The following PCDHGA12 variants were observed in gnomAD, a reference collection of about 807,000 sequenced individuals.
PCDHGA12 encodes protocadherin gamma-A12.
A neutral mutation model predicts 61.1 loss-of-function variants in PCDHGA12; 43 were observed. The ratio of observed to expected loss-of-function variants is 0.70; its 90% CI spans 0.55 to 0.91. PCDHGA12 has a LOEUF of 0.91. Among genes scored for constraint, PCDHGA12 ranks in the 40% least tolerant of loss-of-function variants. PCDHGA12 has a pLI of 0.00. For missense variants in PCDHGA12, 1,236 were observed against 1,227.7 expected (o/e 1.01, Z -0.10); for synonymous variants, 520 against 542.9 (o/e 0.96, Z 0.59).
In PCDHGA12 at chr5:141,485,013, C is replaced by A. The variant is rs551059588; in HGVS notation, c.2425-9794C>A. ...GTGAAAGGCAGACAAATCTACCCCG[C>A]CACCAGCAAAAACGGCGCGTAACCC... On this transcript the variant is annotated intron_variant, in intron 1 of 3. Coordinates refer to ENST00000252085, the MANE Select transcript of PCDHGA12 (RefSeq NM_003735.3). This position sits in a 1 kb window ranked among gnomAD's most constrained non-coding sequence, Gnocchi z 5.7. The A allele has an allele frequency of 6.3e-6, 4 of 634,556 alleles. No homozygotes were observed. Among genetic ancestry groups the A allele is most frequent in the South Asian group, 3.9e-5 (2 of 51,594 alleles). The allele number at this position is 634,556 out of a possible 1,614,324, so 39.3% of individuals were successfully genotyped here. A position where few individuals can be genotyped will look rare whatever the true frequency, so the allele number is the denominator to read the frequency against.
chr5:141,452,848 G>A (rs1425590240), intron 1 of PCDHGA12, among the ~76,000 whole-genome samples: 9 of 152,128 alleles, frequency 5.9e-5, no homozygotes, highest in Non-Finnish European at 1.0e-4. Flanking sequence ...CCCACACTCT[G>A]GGGAGATGAT....
chr5:141,469,855 G>T (rs1272105046), intron 1 of PCDHGA12, among the ~76,000 whole-genome samples: 4 of 152,186 alleles, frequency 2.6e-5, no homozygotes, highest in Non-Finnish European at 4.4e-5. Flanking sequence ...TTCAGACCGG[G>T]TGCAATGGCT....
intron 1 of PCDHGA12, among the ~76,000 whole-genome samples, chr5:141,457,822 C>A (rs1477393535): frequency 6.6e-6 from 1 of 152,178 alleles, no homozygotes; most frequent in Non-Finnish European, 1.5e-5. Context: ...AAGATAAACT[C>A]AGAGCTTCCA....
chr5:141,511,084 C>G lies in PCDHGA12; in HGVS notation c.2710C>G (p.Leu904Val). 1 of 1,614,236 alleles carries G rather than the reference C, an allele frequency of 6.2e-7. No homozygotes were observed. Among genetic ancestry groups the G allele is most frequent in the Non-Finnish European group, 8.5e-7 (1 of 1,180,030 alleles). The change falls in exon 4 of 4, where the codon CTG becomes GTG. Residue 904 changes from leucine (L) to valine (V), a missense_variant. Leu to Val is a conservative substitution (Grantham distance 32). Coordinates refer to ENST00000252085, the MANE Select transcript of PCDHGA12 (RefSeq NM_003735.3). Reference sequence around the variant, plus strand: ...CTACATCCCAGGCAGCAATGCCACACTGACCAACGCAGCTGGCAAGCGGGA... The same window carrying G: ...CTACATCCCAGGCAGCAATGCCACAGTGACCAACGCAGCTGGCAAGCGGGA... ...NVYIPGSNAT[L>V]TNAAGKRDGK...
chr5:141,457,997 G>A (rs2098934533), intron 1 of PCDHGA12, among the ~76,000 whole-genome samples: 1 of 152,152 alleles, frequency 6.6e-6, no homozygotes, highest in Non-Finnish European at 1.5e-5. Context: ...TAAAGCCTTG[G>A]CAAAATAACC....
At chr5:141,506,084 C>T (rs1426222889) in intron 3 of PCDHGA12, among the ~76,000 whole-genome samples, 8 of 152,068 alleles carry the variant, frequency 5.3e-5, no homozygotes, top group African/African-American at 1.9e-4. Flanking sequence ...AATAGAGATT[C>T]GGCTAGTGGT....
chr5:141,448,179 G>C (rs763996329), intron 1 of PCDHGA12, among the ~76,000 whole-genome samples: 1 of 151,982 alleles, frequency 6.6e-6, no homozygotes, highest in Non-Finnish European at 1.5e-5. Context: ...ATTCATCCCT[G>C]GTTATGTACA....
chr5:141,494,985 C>A, intron 2 of PCDHGA12, 120 bp downstream of exon 2: 1 of 1,559,680 alleles, frequency 6.4e-7, no homozygotes. Context: ...AGTTTGAGAT[C>A]CCAGGGAGGT....
rs2099748032 is a variant in PCDHGA12 at position 141,493,397 on chromosome 5, G to A, written c.2425-1410G>A. ...TTAAAAGCTTGAGGACAGGAGAGGG[G>A]AGTTGCCTCTGCTGGGATTTTGCTT... On this transcript the variant is annotated intron_variant, in intron 1 of 3. Coordinates refer to ENST00000252085, the MANE Select transcript of PCDHGA12 (RefSeq NM_003735.3). This position sits in a 1 kb window ranked among gnomAD's most constrained non-coding sequence, Gnocchi z 4.3. Among the ~76,000 whole-genome samples the A allele has an allele frequency of 6.6e-6, 1 of 152,176 alleles. No individual in the cohort carries two copies. Among genetic ancestry groups the A allele is most frequent in the Non-Finnish European group, 1.5e-5 (1 of 68,040 alleles).
At chr5:141,462,302 A>C (rs2099036796) in intron 1 of PCDHGA12, among the ~76,000 whole-genome samples, 1 of 152,222 alleles carries the variant, frequency 6.6e-6, no homozygotes, top group African/African-American at 2.4e-5. Context: ...GTATTACCCA[A>C]ATATATTTGT....
chr5:141,493,340 T>C lies in PCDHGA12; in HGVS notation c.2425-1467T>C, dbSNP rs889623993. Among the ~76,000 whole-genome samples, 1 of 152,202 alleles carries C rather than the reference T, an allele frequency of 6.6e-6. No homozygotes were observed. Among genetic ancestry groups the C allele is most frequent in the Admixed American group, 6.5e-5 (1 of 15,288 alleles). Reference sequence around the variant, plus strand: ...TTCTAACCCCTGTCTAACTCCAGAATGTGTGCTTTTAATTTCTTGGCACTT... The same window carrying C: ...TTCTAACCCCTGTCTAACTCCAGAACGTGTGCTTTTAATTTCTTGGCACTT... On this transcript the variant is annotated intron_variant, in intron 1 of 3. Coordinates refer to ENST00000252085, the MANE Select transcript of PCDHGA12 (RefSeq NM_003735.3). The surrounding 1 kb of genome is among the most constrained non-coding windows in gnomAD (Gnocchi z 4.3).
At chr5:141,475,950 C>T (rs1236145505) in intron 1 of PCDHGA12, 3 of 761,526 alleles carry the variant, frequency 3.9e-6, no homozygotes, top group East Asian at 2.7e-5. Context: ...CCCCTTTCTG[C>T]GCCCCGGGAT....
chr5:141,481,781 G>A (rs957054361), intron 1 of PCDHGA12, among the ~76,000 whole-genome samples: 3 of 151,998 alleles, frequency 2.0e-5, no homozygotes, highest in Admixed American at 6.6e-5. Context: ...GTGAAACCCC[G>A]TCTCTACTAA....
chr5:141,490,804 T>C lies in PCDHGA12; in HGVS notation c.2425-4003T>C. On this transcript the variant is annotated intron_variant, in intron 1 of 3. Coordinates refer to ENST00000252085, the MANE Select transcript of PCDHGA12 (RefSeq NM_003735.3). This position sits in a 1 kb window ranked among gnomAD's most constrained non-coding sequence, Gnocchi z 5.4. The stretch of plus-strand genomic sequence containing the variant: ...TGGACGGATCTTTGCCCAGCGTACC[T>C]TTGACTATGAATTGCTGCAGATGCT... 2 of 1,613,854 alleles carry C rather than the reference T, an allele frequency of 1.2e-6. No homozygotes were observed. Among genetic ancestry groups the C allele is most frequent in the Non-Finnish European group, 1.7e-6 (2 of 1,179,816 alleles).
At chr5:141,435,376 A>G (rs1358757887) in intron 1 of PCDHGA12, among the ~76,000 whole-genome samples, 1 of 152,200 alleles carries the variant, frequency 6.6e-6, no homozygotes, top group Non-Finnish European at 1.5e-5. Flanking sequence ...TAAATATACA[A>G]TATACCGTAT....
rs147057088 is a variant in PCDHGA12 at position 141,432,065 on chromosome 5, A to C, written c.1306A>C (p.Thr436Pro). 6.2e-7 allele frequency: 1 copy of C among 1,613,930 alleles called. No individual in the cohort carries two copies. Among genetic ancestry groups the C allele is most frequent in the Non-Finnish European group, 8.5e-7 (1 of 1,180,014 alleles). Residue 436 changes from threonine (T) to proline (P), a missense_variant, in exon 1 of 4, where the codon ACT (threonine) becomes CCT (proline). Physicochemically the swap from Thr to Pro is conservative, Grantham distance 38. Coordinates refer to ENST00000252085, the MANE Select transcript of PCDHGA12 (RefSeq NM_003735.3). This position sits in a 1 kb window ranked among gnomAD's most constrained non-coding sequence, Gnocchi z 6.0. ...DRGTPPLSTE[T>P]HISLNVADTN... is the part of the protein sequence containing the mutation. ...GGGAACCCCGCCCCTATCCACGGAA[A>C]CTCATATCTCGCTGAACGTGGCAGA...
Position 141,505,229 on chromosome 5 carries a change from G to T in PCDHGA12, c.2484-164G>T, listed in dbSNP as rs116169437. 9.5e-4 allele frequency: 809 copies of T among 847,460 alleles called. 6 individuals carry two copies. In the African/African-American group the frequency reaches 0.013, roughly 13 times the overall value. 52.5% of individuals were successfully genotyped at this position (847,460 alleles called of 1,614,324 possible). ...TGAGGGACTGACTTGTGGGATTCTG[G>T]CTTCTGAAGGATTGTAGAAGTGCCT... On this transcript the variant is annotated intron_variant, in intron 2 of 3. Coordinates refer to ENST00000252085, the MANE Select transcript of PCDHGA12 (RefSeq NM_003735.3).
At chr5:141,507,239 G>C (rs2099859378) in intron 3 of PCDHGA12, 1 of 152,310 alleles carries the variant, frequency 6.6e-6, no homozygotes, top group Non-Finnish European at 1.5e-5. Context: ...CCCAGTTACA[G>C]TTGAATGTCA....
intron 1 of PCDHGA12, among the ~76,000 whole-genome samples, chr5:141,488,434 C>T (rs1231743982): frequency 2.6e-5 from 4 of 152,166 alleles, no homozygotes; most frequent in African/African-American, 7.2e-5. Flanking sequence ...TGGCCTCTGA[C>T]CACCCTCCTG....
Sources: allele counts gnomAD v4.1 joint callset (sites outside exome capture counted in the v4.1 genomes callset), GRCh38; gene constraint gnomAD v4.1.1; non-coding constraint Gnocchi (gnomAD v3.1); transcripts MANE v1.5; gene names NCBI Gene and HGNC (gene_info 2026-07-23, HGNC 2026-07-21).